The following CAMTA1 variants were observed in gnomAD, a reference collection of about 807,000 sequenced individuals.
CAMTA1 encodes calmodulin binding transcription activator 1, also known as calmodulin-binding transcription activator 1.
CAMTA1 carries 27 observed loss-of-function variants against 170.9 expected under a neutral mutation model. The ratio of observed to expected loss-of-function variants is 0.16; its 90% CI spans 0.12 to 0.22. The LOEUF is 0.22. Ranked by LOEUF, CAMTA1 falls within the 10% of genes least tolerant of loss-of-function variation. CAMTA1 has a pLI of 1.00. For synonymous variants in CAMTA1, 833 were observed against 891.5 expected (o/e 0.93, Z 1.17); for missense variants, 1,619 against 2,217.2 (o/e 0.73, Z 5.42).
chr1:6,926,030 A>T (rs1403447341), intron 3 of CAMTA1, among the ~76,000 whole-genome samples: 2 of 152,194 alleles, frequency 1.3e-5, no homozygotes, highest in African/African-American at 2.4e-5. Flanking sequence ...CTTACTGAGC[A>T]CTTAACTCTG....
chr1:6,988,159 G>A (rs1277969158), intron 3 of CAMTA1, among the ~76,000 whole-genome samples: 1 of 152,184 alleles, frequency 6.6e-6, no homozygotes, highest in African/African-American at 2.4e-5. Flanking sequence ...GTGATGGGAT[G>A]TGGGAATGAA....
intron 7 of CAMTA1, 29 bp downstream of exon 7, chr1:7,640,582 C>T: frequency 6.2e-7 from 1 of 1,613,528 alleles, no homozygotes. Context: ...CCTGGCGCCC[C>T]CACGCTGGGA....
chr1:6,983,451 C>T (rs1186060561), intron 3 of CAMTA1, among the ~76,000 whole-genome samples: 2 of 152,162 alleles, frequency 1.3e-5, no homozygotes, highest in Non-Finnish European at 2.9e-5. Context: ...AAATCTCAAC[C>T]CCCTAAACCT....
rs2094505427 is a variant in CAMTA1 at position 7,532,685 on chromosome 1, C to G, written c.510+64784C>G. Among the ~76,000 whole-genome samples the G allele has an allele frequency of 6.6e-6, 1 of 152,236 alleles. No homozygotes were observed. The highest frequency in any genetic ancestry group is 6.5e-5 in the Admixed American group (1 of 15,290). ...TTCTCCCTGGAGTTGAAGGCAGTAC[C>G]TGCCTCCCCATCAGCCTGGTAGTGA... On this transcript the variant is annotated intron_variant, in intron 6 of 22. Transcript: ENST00000303635. This position sits in a 1 kb window ranked among gnomAD's most constrained non-coding sequence, Gnocchi z 4.2.
At chr1:7,447,390 G>T (rs1411110980) in intron 5 of CAMTA1, among the ~76,000 whole-genome samples, 1 of 141,886 alleles carries the variant, frequency 7.0e-6, no homozygotes, top group Non-Finnish European at 1.5e-5. Context: ...ATAGTGTTGG[G>T]CCTGCCTTTG....
At chr1:6,905,406 G>T (rs1678209784) in intron 3 of CAMTA1, among the ~76,000 whole-genome samples, 2 of 152,070 alleles carry the variant, frequency 1.3e-5, no homozygotes, top group South Asian at 4.2e-4. Flanking sequence ...GTTGGCCAGG[G>T]CTGGTGTTGA....
Position 7,682,791 on chromosome 1 carries a change from C to G in CAMTA1, c.2914+5058C>G, listed in dbSNP as rs1331251434. 2.0e-5 allele frequency among the ~76,000 whole-genome samples: 3 copies of G among 152,216 alleles called. No individual in the cohort carries two copies. Among genetic ancestry groups the G allele is most frequent in the Non-Finnish European group, 4.4e-5 (3 of 68,032 alleles). ...GGGCCGGCCGCTCCTAGGCTGGCTC[C>G]CTCCCTCAGATCCACCCAGCCCACC... On this transcript the variant is annotated intron_variant, in intron 11 of 22. Transcript: ENST00000303635. The surrounding 1 kb of genome is among the most constrained non-coding windows in gnomAD (Gnocchi z 5.0).
chr1:7,515,938 G>T (rs955507044), intron 6 of CAMTA1, among the ~76,000 whole-genome samples: 12 of 152,180 alleles, frequency 7.9e-5, no homozygotes, highest in Non-Finnish European at 1.6e-4. Context: ...GAGCCTGGTG[G>T]CTCTTACCCC....
chr1:6,992,698 T>G (rs918010683), intron 3 of CAMTA1, among the ~76,000 whole-genome samples: 8 of 152,094 alleles, frequency 5.3e-5, no homozygotes, highest in African/African-American at 1.7e-4. Flanking sequence ...AGGAAGAAAG[T>G]GAAGTGGGAA....
At chr1:7,490,559 G>A (rs11120946) in intron 6 of CAMTA1, among the ~76,000 whole-genome samples, 9,315 of 152,204 alleles carry the variant, frequency 0.061, 459 homozygotes, top group African/African-American at 0.13. Context: ...GGCTGAGGCC[G>A]GAGAATCGCT....
At chr1:7,088,626 G>A (rs528103706) in intron 3 of CAMTA1, among the ~76,000 whole-genome samples, 7 of 152,330 alleles carry the variant, frequency 4.6e-5, no homozygotes, top group African/African-American at 1.7e-4. Context: ...AGCGTTGGCT[G>A]AAGGATGCCC....
intron 21 of CAMTA1, 96 bp from the exon 22 acceptor site, chr1:7,755,542 G>T: frequency 1.0e-6 from 1 of 968,242 alleles, no homozygotes; most frequent in South Asian, 1.4e-5. Flanking sequence ...AAGAAACCAT[G>T]TTATATTCTT....
chr1:7,604,248 A>C (rs963628030), intron 6 of CAMTA1, among the ~76,000 whole-genome samples: 2 of 152,186 alleles, frequency 1.3e-5, no homozygotes, highest in Non-Finnish European at 2.9e-5. Flanking sequence ...AGATTGGGGA[A>C]GTTCTCCTGG....
intron 3 of CAMTA1, among the ~76,000 whole-genome samples, chr1:7,059,606 C>T (rs1025896262): frequency 1.3e-5 from 2 of 152,066 alleles, no homozygotes; most frequent in African/African-American, 4.8e-5. Flanking sequence ...GGCGACACAG[C>T]AAGACCCTGT....
intron 5 of CAMTA1, among the ~76,000 whole-genome samples, chr1:7,412,051 T>C (rs143440361): frequency 0.026 from 3,990 of 152,094 alleles, 85 homozygotes; most frequent in Non-Finnish European, 0.037. Flanking sequence ...GAATGATGAT[T>C]TCCAGTTTCA....
rs370945975 is a variant in CAMTA1 at position 7,209,402 on chromosome 1, A to G, written c.303-40089A>G. Among the ~76,000 whole-genome samples, 115 of 152,342 alleles carry G rather than the reference A, an allele frequency of 7.5e-4. 1 individual carries two copies. Among genetic ancestry groups the G allele is most frequent in the African/African-American group, 2.6e-3 (108 of 41,584 alleles). On this transcript the variant is annotated intron_variant, in intron 4 of 22. Coordinates refer to ENST00000303635, the MANE Select transcript of CAMTA1 (RefSeq NM_015215.4). ...TGGTATTAGAGATAACTGTTGATCT[A>G]TTAACACTTTGGGGTTGATTCATAT...
At chr1:7,498,956 TAG>T (rs1311507762) in intron 6 of CAMTA1, among the ~76,000 whole-genome samples, 11 of 141,010 alleles carry the variant, frequency 7.8e-5, no homozygotes, top group Admixed American at 1.4e-4. Flanking sequence ...CATGAGTGTG[TAG>T]AGAGGATTGT....
intron 11 of CAMTA1, among the ~76,000 whole-genome samples, chr1:7,712,537 C>T (rs905193461): frequency 6.6e-6 from 1 of 152,094 alleles, no homozygotes; most frequent in Non-Finnish European, 1.5e-5. Context: ...CCAGGCTGGT[C>T]TTGAACTCCT....
chr1:7,228,328 C>T (rs1662077186), intron 4 of CAMTA1, among the ~76,000 whole-genome samples: 1 of 152,216 alleles, frequency 6.6e-6, no homozygotes, highest in South Asian at 2.1e-4. Context: ...CTCAGCCGGG[C>T]ATGGTGGCTC....
Sources: allele counts gnomAD v4.1 joint callset (sites outside exome capture counted in the v4.1 genomes callset), GRCh38; gene constraint gnomAD v4.1.1; non-coding constraint Gnocchi (gnomAD v3.1); transcripts MANE v1.5; gene names NCBI Gene and HGNC (gene_info 2026-07-23, HGNC 2026-07-21).